THSD7A: variants seen among roughly 807,000 people sequenced by gnomAD.
THSD7A encodes thrombospondin type-1 domain-containing protein 7A.
A neutral mutation model predicts 231.3 loss-of-function variants in THSD7A; 96 were observed. The observed-to-expected ratio is 0.41, with a 90% CI of 0.35 to 0.49. THSD7A has a LOEUF of 0.49. THSD7A is among the 20% of genes least tolerant of loss of function. The pLI is 0.05. For missense variants in THSD7A, 2,290 were observed against 2,070.2 expected (o/e 1.11, Z -2.06); for synonymous variants, 940 against 743.3 (o/e 1.26, Z -4.30).
intron 1 of THSD7A, among the ~76,000 whole-genome samples, chr7:11,807,858 T>C (rs972159177): frequency 1.3e-5 from 2 of 152,170 alleles, no homozygotes; most frequent in Non-Finnish European, 2.9e-5. Context: ...CCTGAAAAGC[T>C]AACTTTCTAA....
Position 11,424,708 on chromosome 7 carries a change from G to C in THSD7A, c.3371C>G (p.Thr1124Ser). 1 of 1,613,898 alleles carries C rather than the reference G, an allele frequency of 6.2e-7. No homozygotes were observed. Among genetic ancestry groups the C allele is most frequent in the Non-Finnish European group, 8.5e-7 (1 of 1,179,872 alleles). ...MRENCGEGVQ[T>S]RKVRCMQNTA... ...GGCTTTGTCTTACCTCACTTTTCGG[G>C]TTTGCACGCCCTCTCCACAGTTCTC... The change falls in exon 16 of 28, where the codon ACC (threonine) becomes AGC (serine). Residue 1124 changes from threonine (T) to serine (S), a missense_variant. Physicochemically the swap from Thr to Ser is moderately conservative, Grantham distance 58. Transcript: ENST00000423059.
intron 1 of THSD7A, among the ~76,000 whole-genome samples, chr7:11,711,845 T>C (rs1346534152): frequency 6.6e-6 from 1 of 151,156 alleles, no homozygotes; most frequent in Non-Finnish European, 1.5e-5. Flanking sequence ...TTACTTACCA[T>C]CTTTGCATCC....
chr7:11,397,686 C>G (rs972610301), intron 23 of THSD7A, among the ~76,000 whole-genome samples: 14 of 152,038 alleles, frequency 9.2e-5, no homozygotes, highest in African/African-American at 3.4e-4. Flanking sequence ...CCAGAATCTA[C>G]AAAGAACTTA....
intron 2 of THSD7A, among the ~76,000 whole-genome samples, chr7:11,619,386 T>C (rs1046322746): frequency 4.6e-5 from 7 of 151,182 alleles, no homozygotes; most frequent in Non-Finnish European, 7.4e-5. Flanking sequence ...AAACAGTAAT[T>C]TCTTTTCTTA....
intron 2 of THSD7A, among the ~76,000 whole-genome samples, chr7:11,601,856 T>C (rs1289221742): frequency 6.6e-6 from 1 of 152,210 alleles, no homozygotes; most frequent in Non-Finnish European, 1.5e-5. Flanking sequence ...TCCCATTCCA[T>C]AGAATAGCAG....
intron 4 of THSD7A, among the ~76,000 whole-genome samples, chr7:11,565,877 TC>T (rs1484223715): frequency 6.6e-6 from 1 of 152,202 alleles, no homozygotes; most frequent in Non-Finnish European, 1.5e-5. Flanking sequence ...ATCCACCTGT[TC>T]CTGCAGTTGC....
At chr7:11,783,633 G>T (rs565411728) in intron 1 of THSD7A, among the ~76,000 whole-genome samples, 2 of 152,212 alleles carry the variant, frequency 1.3e-5, no homozygotes, top group South Asian at 4.1e-4. Flanking sequence ...TTCTTCAGTG[G>T]CCAGAAAAGG....
At chr7:11,624,066 T>A (rs1479012398) in intron 2 of THSD7A, among the ~76,000 whole-genome samples, 2 of 152,174 alleles carry the variant, frequency 1.3e-5, no homozygotes, top group African/African-American at 4.8e-5. Context: ...CTCCAAAGGT[T>A]GGAGGCTGGT....
At chr7:11,682,617 C>G (rs1289619946) in intron 1 of THSD7A, among the ~76,000 whole-genome samples, 3 of 151,992 alleles carry the variant, frequency 2.0e-5, no homozygotes, top group African/African-American at 4.8e-5. Context: ...ATGATTACCA[C>G]TAAACCTAAG....
Position 11,820,304 on chromosome 7 carries a change from TAA to T in THSD7A, c.190+11451_190+11452del, listed in dbSNP as rs1039363191. On this transcript the variant is annotated intron_variant, in intron 1 of 27. Coordinates refer to ENST00000423059, the MANE Select transcript of THSD7A (RefSeq NM_015204.3). ...TCTCTCCCCTGGGCAAGGAATTCCG[TAA>T]AGAGTGGACCCTACTCGGTTGTGGG... The T allele has an allele frequency of 4.2e-5, 26 of 618,808 alleles. No individual in the cohort carries two copies. The Admixed American group carries it at 9.9e-4, about 24-fold the overall frequency. 38.3% of individuals were successfully genotyped at this position (618,808 alleles called of 1,614,324 possible). A position where few individuals can be genotyped will look rare whatever the true frequency, so the allele number is the denominator to read the frequency against.
At chr7:11,588,999 T>G (rs1468211808) in intron 4 of THSD7A, among the ~76,000 whole-genome samples, 1 of 152,204 alleles carries the variant, frequency 6.6e-6, no homozygotes, top group Non-Finnish European at 1.5e-5. Flanking sequence ...AAAACTTCAG[T>G]TTTTTTCTTC....
intron 1 of THSD7A, among the ~76,000 whole-genome samples, chr7:11,719,903 T>A (rs1026898431): frequency 6.6e-6 from 1 of 151,762 alleles, no homozygotes; most frequent in African/African-American, 2.4e-5. Flanking sequence ...AATGAAAGGA[T>A]GAACCGTTCT....
At chr7:11,626,330 G>T (rs887147572) in intron 2 of THSD7A, among the ~76,000 whole-genome samples, 9 of 152,054 alleles carry the variant, frequency 5.9e-5, no homozygotes, top group African/African-American at 2.2e-4. Flanking sequence ...TGCAGGTGAT[G>T]AATATGTTTA....
At chr7:11,725,054 T>A (rs1182781595) in intron 1 of THSD7A, among the ~76,000 whole-genome samples, 1 of 151,900 alleles carries the variant, frequency 6.6e-6, no homozygotes, top group Non-Finnish European at 1.5e-5. Flanking sequence ...TCTTCATTTG[T>A]CTGTAAAAGT....
chr7:11,769,146 TATA>T (rs1562541339), intron 1 of THSD7A, among the ~76,000 whole-genome samples: 8 of 67,624 alleles, frequency 1.2e-4, no homozygotes, highest in African/African-American at 3.0e-4. Context: ...TATATATATA[TATA>T]TATATTTTTT....
chr7:11,553,931 CTAAAGA>C (rs1789735280), intron 4 of THSD7A, among the ~76,000 whole-genome samples: 1 of 151,800 alleles, frequency 6.6e-6, no homozygotes. Flanking sequence ...TATATAACCT[CTAAAGA>C]TAGTTTATAT....
intron 1 of THSD7A, among the ~76,000 whole-genome samples, chr7:11,705,491 G>A (rs1780735389): frequency 2.0e-5 from 3 of 150,882 alleles, no homozygotes; most frequent in Non-Finnish European, 4.5e-5. Flanking sequence ...ATTTCTCTGT[G>A]TCTTCTATTT....
intron 1 of THSD7A, among the ~76,000 whole-genome samples, chr7:11,651,540 T>C (rs1782509439): frequency 6.6e-6 from 1 of 150,980 alleles, no homozygotes. Flanking sequence ...TACAATGAAC[T>C]ATAGCCCACC....
chr7:11,647,671 A>C (rs146341021), intron 1 of THSD7A, among the ~76,000 whole-genome samples: 1 of 152,150 alleles, frequency 6.6e-6, no homozygotes, highest in South Asian at 2.1e-4. Flanking sequence ...TCCTCTGATT[A>C]TGATGCTGGA....
Sources: allele counts gnomAD v4.1 joint callset (sites outside exome capture counted in the v4.1 genomes callset), GRCh38; gene constraint gnomAD v4.1.1; transcripts MANE v1.5; gene names NCBI Gene and HGNC (gene_info 2026-07-23, HGNC 2026-07-21).